The following ZSCAN20 variants were observed in gnomAD, a reference collection of about 807,000 sequenced individuals.
ZSCAN20 encodes zinc finger and SCAN domain-containing protein 20.
Under a neutral mutation model 97.1 loss-of-function variants are expected in ZSCAN20, and 39 were observed. The observed-to-expected ratio is 0.40, with a 90% confidence interval of 0.31 to 0.52. The LOEUF (loss-of-function observed/expected upper bound fraction) is 0.52. Among genes scored for constraint, ZSCAN20 ranks in the 20% least tolerant of loss-of-function variants. ZSCAN20 has a pLI of 0.49. For synonymous variants in ZSCAN20, 456 were observed against 467.3 expected (o/e 0.98, Z 0.31); for missense variants, 1,115 against 1,290.4 (o/e 0.86, Z 2.08).
chr1:33,496,271 G>A lies in ZSCAN20; in HGVS notation c.*795G>A, dbSNP rs550067378. On this transcript the variant is annotated 3_prime_UTR_variant, in exon 8 of 8. Coordinates refer to ENST00000684572, the MANE Select transcript of ZSCAN20 (RefSeq NM_001377376.1). Reference sequence around the variant, plus strand: ...TTCCCATTCATGTTAGGTAACTTAGGGGCCAGAATCTCCATGCACTTTGTA... The same window carrying A: ...TTCCCATTCATGTTAGGTAACTTAGAGGCCAGAATCTCCATGCACTTTGTA... 20 of 152,234 alleles carry A rather than the reference G, an allele frequency of 1.3e-4. No homozygotes were observed. Among genetic ancestry groups the A allele is most frequent in the African/African-American group, 4.8e-4 (20 of 41,542 alleles). The allele number at this position is 152,234 out of a possible 1,614,324, so 9.4% of individuals were successfully genotyped here.
chr1:33,476,148 C>T (rs1339760791), intron 1 of ZSCAN20, among the ~76,000 whole-genome samples: 2 of 152,168 alleles, frequency 1.3e-5, no homozygotes, highest in Admixed American at 1.3e-4. Flanking sequence ...ATTGCTGGTC[C>T]TAATGAGGCT....
chr1:33,488,102 T>C (rs1652440643), intron 2 of ZSCAN20, among the ~76,000 whole-genome samples: 1 of 152,238 alleles, frequency 6.6e-6, no homozygotes, highest in Non-Finnish European at 1.5e-5. Context: ...ATATACAACT[T>C]GATAACTTTT....
At chr1:33,489,462 T>C in intron 4 of ZSCAN20, 56 bp from the exon 5 acceptor site, 1 of 1,566,098 alleles carries the variant, frequency 6.4e-7, no homozygotes, top group South Asian at 1.1e-5. Context: ...CTAGGGTTCC[T>C]AGGCTGTTGT....
In ZSCAN20 at chr1:33,479,352, A is replaced by G; in HGVS notation, c.64A>G (p.Ile22Val). 1 of 1,614,188 alleles carries G rather than the reference A, an allele frequency of 6.2e-7. No individual in the cohort carries two copies. Among genetic ancestry groups the G allele is most frequent in the Non-Finnish European group, 8.5e-7 (1 of 1,180,010 alleles). The change falls in exon 2 of 8, where the codon ATT (isoleucine) becomes GTT (valine). Residue 22 changes from isoleucine to valine, a missense_variant. Physicochemically the swap from Ile to Val is conservative, Grantham distance 29. This residue lies in a region of ZSCAN20 where 508 missense variants were observed against 611.2 expected (regional missense o/e 0.83). Coordinates refer to ENST00000684572, the MANE Select transcript of ZSCAN20 (RefSeq NM_001377376.1). ...SPQPEPEELL[I>V]VKLEEDSWGS... ...GCAGCCAGAGCCTGAAGAACTCCTG[A>G]TTGTGAAACTGGAAGAGGACTCTTG...
intron 2 of ZSCAN20, among the ~76,000 whole-genome samples, chr1:33,487,862 G>A (rs1185851887): frequency 6.6e-6 from 1 of 151,898 alleles, no homozygotes; most frequent in Non-Finnish European, 1.5e-5. Flanking sequence ...ATGTTGCCCA[G>A]GCTGGTCTTG....
At chr1:33,476,518 G>A (rs563643168) in intron 1 of ZSCAN20, among the ~76,000 whole-genome samples, 11 of 152,334 alleles carry the variant, frequency 7.2e-5, no homozygotes, top group Middle Eastern at 3.4e-3. Flanking sequence ...GAACGCAAAT[G>A]TCTTTGCTTG....
At chr1:33,474,054 A>G (rs916063017) in intron 1 of ZSCAN20, among the ~76,000 whole-genome samples, 1 of 152,196 alleles carries the variant, frequency 6.6e-6, no homozygotes, top group Non-Finnish European at 1.5e-5. Context: ...AAGCTGATTC[A>G]TTGCCAATGG....
intron 2 of ZSCAN20, 82 bp from the exon 3 acceptor site, chr1:33,488,383 C>T: frequency 7.2e-7 from 1 of 1,385,358 alleles, no homozygotes; most frequent in Non-Finnish European, 1.0e-6. Context: ...AGCCTGTTAG[C>T]CTCTGGACTG....
Position 33,479,147 on chromosome 1 carries a change from C to T in ZSCAN20, c.-110-32C>T, listed in dbSNP as rs571710599. ...AGAATGAAGCTTCTGCATCCTTTTG[C>T]TCACACTCTATCCTTTGTCTTTCTG... On this transcript the variant is annotated intron_variant, in intron 1 of 7. Transcript: ENST00000684572. The T allele has an allele frequency of 3.8e-5, 34 of 883,288 alleles. No individual in the cohort carries two copies. In the South Asian group the frequency reaches 6.3e-4, roughly 16 times the overall value. The allele number at this position is 883,288 out of a possible 1,614,324, so 54.7% of individuals were successfully genotyped here. A position where few individuals can be genotyped will look rare whatever the true frequency, so the allele number is the denominator to read the frequency against.
At chr1:33,476,490 A>G (rs1156579741) in intron 1 of ZSCAN20, among the ~76,000 whole-genome samples, 1 of 152,212 alleles carries the variant, frequency 6.6e-6, no homozygotes, top group East Asian at 1.9e-4. Flanking sequence ...ATTTTGTTGT[A>G]GTGTCCTGTT....
intron 2 of ZSCAN20, among the ~76,000 whole-genome samples, chr1:33,487,678 C>T (rs1652423761): frequency 6.6e-6 from 1 of 152,066 alleles, no homozygotes. Context: ...GTTCTCACTC[C>T]ATTGTCCAGG....
intron 2 of ZSCAN20, among the ~76,000 whole-genome samples, chr1:33,486,739 G>A (rs998407763): frequency 6.6e-6 from 1 of 152,170 alleles, no homozygotes; most frequent in African/African-American, 2.4e-5. Context: ...TTCCTCTGTA[G>A]GTTATAATGA....
chr1:33,491,638 C>T lies in ZSCAN20; in HGVS notation c.1380C>T (p.Val460=). The change falls in exon 6 of 8, where the codon GTC becomes GTT. Residue 460 remains valine, a synonymous_variant. Coordinates refer to ENST00000684572, the MANE Select transcript of ZSCAN20 (RefSeq NM_001377376.1). The surrounding 1 kb of genome is among the most constrained non-coding windows in gnomAD (Gnocchi z 4.3). ...MAEDCNGAGL[V]NVESTQGPRI... is the part of the protein sequence containing the mutation. ...AAGACTGTAACGGTGCTGGCCTGGT[C>T]AATGTTGAGTCTACCCAGGGGCCCA... The T allele has an allele frequency of 1.2e-6, 2 of 1,613,970 alleles. No homozygotes were observed. Among genetic ancestry groups the T allele is most frequent in the Non-Finnish European group, 1.7e-6 (2 of 1,179,924 alleles).
Position 33,499,458 on chromosome 1 carries a change from G to A in ZSCAN20, c.*3982G>A, listed in dbSNP as rs923282430. On this transcript the variant is annotated 3_prime_UTR_variant, in exon 8 of 8. Transcript: ENST00000684572. ...TAGGATCCCAGCTGCCTGCCAACCAGCTGTGCTTGGGTGACTCCTGGGCAT... is the reference window on the plus strand; with the variant it reads ...TAGGATCCCAGCTGCCTGCCAACCAACTGTGCTTGGGTGACTCCTGGGCAT... Among the ~76,000 whole-genome samples the A allele has an allele frequency of 6.6e-6, 1 of 151,856 alleles. No homozygotes were observed. Among genetic ancestry groups the A allele is most frequent in the Non-Finnish European group, 1.5e-5 (1 of 68,000 alleles).
chr1:33,474,442 C>T (rs528179531), intron 1 of ZSCAN20, among the ~76,000 whole-genome samples: 3 of 152,190 alleles, frequency 2.0e-5, no homozygotes, highest in Non-Finnish European at 4.4e-5. Context: ...ACTGAGTGGG[C>T]TCCTCATGAC....
At chr1:33,479,824 T>A (rs1652077986) in intron 2 of ZSCAN20, 119 bp downstream of exon 2, 1 of 1,109,468 alleles carries the variant, frequency 9.0e-7, no homozygotes, top group African/African-American at 1.6e-5. Context: ...GAACTGACAC[T>A]TATTGACCAC....
rs772431400 is a variant in ZSCAN20 at position 33,479,573 on chromosome 1, G to A, written c.285G>A (p.Val95=). The change falls in exon 2 of 8, where the codon GTG becomes GTA. Residue 95 remains valine, a synonymous_variant. Transcript: ENST00000684572. ...AAGAGCAGATCCTGGAGCTGCTCGT[G>A]CTGGAGCAGTTCCTGACTATCTTGC... ...RLKEQILELL[V]LEQFLTILPR... The A allele has an allele frequency of 8.1e-6, 13 of 1,613,880 alleles. No individual in the cohort carries two copies. In the East Asian group the frequency reaches 2.9e-4, roughly 36 times the overall value.
In ZSCAN20 at chr1:33,491,689, C is replaced by A. The variant is rs372234933; in HGVS notation, c.1431C>A (p.Phe477Leu). 8.2e-6 allele frequency: 13 copies of A among 1,593,798 alleles called. No individual in the cohort carries two copies. The East Asian group carries it at 2.9e-4, about 36-fold the overall frequency. The change falls in exon 6 of 8, where the codon TTC becomes TTA. Residue 477 changes from phenylalanine (F) to leucine (L), a missense_variant. Around this residue, in one of 3 missense-constraint regions of ZSCAN20, gnomAD observed 508 missense variants for 611.2 expected, o/e 0.83. Transcript: ENST00000684572. This position sits in a 1 kb window ranked among gnomAD's most constrained non-coding sequence, Gnocchi z 4.3. ...GGATTGCAGGGGCCCCAGCTCTGTTCCAGAGTCGTATTGGTAAGAACATGG... is the reference window on the plus strand; with the variant it reads ...GGATTGCAGGGGCCCCAGCTCTGTTACAGAGTCGTATTGGTAAGAACATGG... Reference protein sequence around the residue: ...GPRIAGAPALFQSRIAGVHWG... With the variant: ...GPRIAGAPALLQSRIAGVHWG...
In ZSCAN20 at chr1:33,497,686, G is replaced by T. The variant is rs1372323956; in HGVS notation, c.*2210G>T. 2.0e-5 allele frequency among the ~76,000 whole-genome samples: 3 copies of T among 152,082 alleles called. No homozygotes were observed. The highest frequency in any genetic ancestry group is 2.9e-5 in the Non-Finnish European group (2 of 67,932). Reference sequence around the variant, plus strand: ...GTTGTGGTATTTCAGCTAAAGGCTAGGGTCTGAACTAGAGCAGTGGTGACA... The same window carrying T: ...GTTGTGGTATTTCAGCTAAAGGCTATGGTCTGAACTAGAGCAGTGGTGACA... On this transcript the variant is annotated 3_prime_UTR_variant, in exon 8 of 8. Transcript: ENST00000684572.
Sources: gnomAD v4.1 joint callset for allele counts (sites outside exome capture counted in the v4.1 genomes callset) on GRCh38, gnomAD v4.1.1 for gene constraint, gnomAD v4.1.1 regional missense constraint, Gnocchi (gnomAD v3.1) non-coding constraint, MANE v1.5 for transcripts, NCBI Gene and HGNC (gene_info 2026-07-23, HGNC 2026-07-21) for gene names.